Variants in PHF2 observed in about 807,000 individuals in gnomAD.
PHF2 encodes the protein lysine-specific demethylase PHF2.
A neutral mutation model predicts 120.5 loss-of-function variants in PHF2; 27 were observed. The observed-to-expected ratio is 0.22, with a 90% CI of 0.17 to 0.31. The LOEUF (loss-of-function observed/expected upper bound fraction) is 0.31, where lower values mean the gene tolerates loss of function less well. Among genes scored for constraint, PHF2 ranks in the 10% least tolerant of loss-of-function variants. PHF2 has a pLI of 1.00. For synonymous variants in PHF2, 568 were observed against 592.5 expected, an observed-to-expected ratio of 0.96 and a Z score of 0.60; for missense variants, 1,024 against 1,434.8, an observed-to-expected ratio of 0.71 and a Z score of 4.63.
chr9:93,589,602 C>T (rs1316243775), intron 1 of PHF2, among the ~76,000 whole-genome samples: 1 of 152,168 alleles, frequency 6.6e-6, no homozygotes, highest in Non-Finnish European at 1.5e-5. Context: ...AGTGACCCAC[C>T]TGTCTTTTCT....
intron 1 of PHF2, among the ~76,000 whole-genome samples, chr9:93,614,093 G>A (rs1434633046): frequency 6.6e-6 from 1 of 152,248 alleles, no homozygotes; most frequent in East Asian, 1.9e-4. Flanking sequence ...GAGGCACAAG[G>A]TGTCAGGACT....
At position 93,677,088 on chromosome 9, in the gene PHF2, T is replaced by C. The variant is rs1826931996; in HGVS notation, c.3202+125T>C. The C allele has an allele frequency of 1.5e-5, 16 of 1,070,244 alleles. No individual in the cohort carries two copies. The highest frequency in any genetic ancestry group is 2.0e-5 in the Non-Finnish European group (15 of 762,524). The allele number at this position is 1,070,244 out of a possible 1,614,324, so 66.3% of individuals were successfully genotyped here. On this transcript the variant is annotated intron_variant, in intron 21 of 21. Coordinates refer to ENST00000359246, the MANE Select transcript of PHF2 (RefSeq NM_005392.4). This position sits in a 1 kb window ranked among gnomAD's most constrained non-coding sequence, Gnocchi z 4.4. ...ATTGGGAGGGCTCCTGGGCCTTGGG[T>C]GGCAGGGTGCTGTGGTCCAAGTTGG... is the stretch of plus-strand genomic sequence containing the variant.
rs145220588 is a variant in PHF2, at chr9:93,667,136, C to G, written c.2244C>G (p.Gly748=). The change falls in exon 17 of 22, where the codon GGC becomes GGG. Residue 748 remains glycine, a synonymous_variant. Transcript: ENST00000359246. Reference sequence around the variant, plus strand: ...ACATCGACACAGACACCAAGCCCGGCCGCAATGCCAGAGTCAAGAAGGAGA... The same window carrying G: ...ACATCGACACAGACACCAAGCCCGGGCGCAATGCCAGAGTCAAGAAGGAGA... The part of the protein sequence containing the change: ...SLHIDTDTKP[G]RNARVKKESG... 1.9e-4 allele frequency: 308 copies of G among 1,613,302 alleles called. 4 individuals carry two copies. In the African/African-American group the frequency reaches 3.8e-3, roughly 20 times the overall value.
intron 1 of PHF2, among the ~76,000 whole-genome samples, chr9:93,602,610 C>T (rs988471737): frequency 2.0e-5 from 3 of 152,016 alleles, no homozygotes; most frequent in Admixed American, 1.3e-4. Context: ...TGTGAATGTG[C>T]AGTTCCCTGT....
chr9:93,671,232 G>A, intron 17 of PHF2: 1 of 964,120 alleles, frequency 1.0e-6, no homozygotes, highest in Non-Finnish European at 1.2e-6. Context: ...GCAGGTGTGT[G>A]GGAGTAGGCA....
chr9:93,629,384 T>G (rs572012297), intron 1 of PHF2, among the ~76,000 whole-genome samples: 1 of 152,268 alleles, frequency 6.6e-6, no homozygotes, highest in East Asian at 1.9e-4. Flanking sequence ...TCTCTCTTGT[T>G]CTAAGTCTCC....
intron 3 of PHF2, among the ~76,000 whole-genome samples, chr9:93,637,810 T>A (rs143913868): frequency 6.6e-6 from 1 of 152,256 alleles, no homozygotes; most frequent in Non-Finnish European, 1.5e-5. Context: ...GGAGTGGAAT[T>A]GCTGGGTCAT....
chr9:93,578,993 A>C (rs1862886097), intron 1 of PHF2, among the ~76,000 whole-genome samples: 1 of 152,212 alleles, frequency 6.6e-6, no homozygotes, highest in East Asian at 1.9e-4. Context: ...GTCATCTGCC[A>C]AAGTGAACCC....
At chr9:93,627,725 T>C (rs578016373) in intron 1 of PHF2, among the ~76,000 whole-genome samples, 5 of 152,164 alleles carry the variant, frequency 3.3e-5, no homozygotes, top group Non-Finnish European at 5.9e-5. Flanking sequence ...AAGGATTTTG[T>C]TGAGTGCTTT....
intron 4 of PHF2, among the ~76,000 whole-genome samples, chr9:93,646,171 C>A (rs1004156702): frequency 1.3e-5 from 2 of 152,218 alleles, no homozygotes; most frequent in African/African-American, 4.8e-5. Context: ...TGGCCTTCCT[C>A]ATCTGTACCA....
intron 19 of PHF2, 33 bp downstream of exon 19, chr9:93,675,055 G>T: frequency 1.3e-6 from 2 of 1,527,392 alleles, no homozygotes; most frequent in South Asian, 1.1e-5. Context: ...GGGTCCACCT[G>T]ACACCCAGTG....
At position 93,645,592 on chromosome 9, in the gene PHF2, G is replaced by A. The variant is rs540661569; in HGVS notation, c.300-37G>A. ...CACCTGTCCCGGTGCAGGAGGCCTC[G>A]GGCCCAATGTGGCCTCTGACCTGTG... is the stretch of plus-strand genomic sequence containing the variant. On this transcript the variant is annotated intron_variant, in intron 3 of 21. Transcript: ENST00000359246. The A allele has an allele frequency of 3.7e-5, 56 of 1,520,476 alleles. No individual in the cohort carries two copies. In the East Asian group the frequency reaches 4.5e-4, roughly 12 times the overall value. The allele number at this position is 1,520,476 out of a possible 1,614,324, so 94.2% of individuals were successfully genotyped here. A position where few individuals can be genotyped will look rare whatever the true frequency, so the allele number is the denominator to read the frequency against.
intron 1 of PHF2, among the ~76,000 whole-genome samples, chr9:93,615,055 ATGATGGTGACAGTGATGGTGG>A: frequency 6.7e-6 from 1 of 149,682 alleles, no homozygotes; most frequent in East Asian, 2.0e-4. Flanking sequence ...GATGATGGCG[ATGATGGTGACAGTGATGGTGG>A]TGATGGTAGT....
intron 7 of PHF2, among the ~76,000 whole-genome samples, 180 bp from the exon 8 acceptor site, chr9:93,655,754 C>G (rs1218848435): frequency 3.3e-5 from 5 of 152,262 alleles, no homozygotes; most frequent in South Asian, 2.1e-4. Context: ...AGGGAGGCCC[C>G]AGGCTGCTGG....
intron 14 of PHF2, among the ~76,000 whole-genome samples, chr9:93,664,667 G>A (rs1270622395): frequency 3.3e-5 from 5 of 152,228 alleles, no homozygotes; most frequent in Non-Finnish European, 7.3e-5. Flanking sequence ...GCAGGTCTGC[G>A]GGGTCCTGTG....
chr9:93,647,228 G>T (rs1826276873), intron 4 of PHF2, among the ~76,000 whole-genome samples: 1 of 152,176 alleles, frequency 6.6e-6, no homozygotes. Flanking sequence ...CCTGCCTAGT[G>T]CCAGGCATTT....
chr9:93,629,668 G>A (rs997665856), intron 1 of PHF2, among the ~76,000 whole-genome samples: 10 of 152,190 alleles, frequency 6.6e-5, no homozygotes, highest in African/African-American at 1.4e-4. Flanking sequence ...CCTGGGTGAC[G>A]GGGCATTGGT....
chr9:93,609,070 G>A (rs1215432937), intron 1 of PHF2, among the ~76,000 whole-genome samples: 2 of 91,740 alleles, frequency 2.2e-5, no homozygotes, highest in South Asian at 2.7e-4. Context: ...TATCAATAAC[G>A]CTTTTTTAAA....
chr9:93,645,958 G>A (rs1826251484), intron 4 of PHF2, among the ~76,000 whole-genome samples, 169 bp downstream of exon 4: 1 of 152,224 alleles, frequency 6.6e-6, no homozygotes. Flanking sequence ...TTCAGACCCT[G>A]CGTCCCACTG....
Sources: allele counts gnomAD v4.1 joint callset (sites outside exome capture counted in the v4.1 genomes callset), GRCh38; gene constraint gnomAD v4.1.1; non-coding constraint Gnocchi (gnomAD v3.1); transcripts MANE v1.5; gene names NCBI Gene and HGNC (gene_info 2026-07-23, HGNC 2026-07-21).